Variants in DDX42 observed in about 807,000 individuals in gnomAD.
DDX42 encodes the protein DEAD-box helicase 42, also known as ATP-dependent RNA helicase DDX42.
A neutral mutation model predicts 101.5 loss-of-function variants in DDX42; 22 were observed. The ratio of observed to expected loss-of-function variants is 0.22; its 90% CI spans 0.15 to 0.31. DDX42 has a LOEUF of 0.31. Among genes scored for constraint, DDX42 ranks in the 10% least tolerant of loss-of-function variants. DDX42 has a pLI of 1.00. For synonymous variants in DDX42, 402 were observed against 401.2 expected (o/e 1.00, Z -0.02); for missense variants, 849 against 1,199.9 (o/e 0.71, Z 4.32).
chr17:63,804,928 T>C, intron 6 of DDX42, 143 bp from the exon 7 acceptor site: 2 of 995,470 alleles, frequency 2.0e-6, no homozygotes, highest in Non-Finnish European at 2.9e-6. Context: ...GGATCTAAGC[T>C]GAGAATAAAT....
rs2039980072 is a variant in DDX42 at position 63,816,623 on chromosome 17, G to A, written c.2014-245G>A. 7 of 345,078 alleles carry A rather than the reference G, an allele frequency of 2.0e-5. No individual in the cohort carries two copies. In the South Asian group the frequency reaches 2.4e-4, roughly 12 times the overall value. The allele number at this position is 345,078 out of a possible 1,614,324, so 21.4% of individuals were successfully genotyped here. The stretch of plus-strand genomic sequence containing the variant: ...TTATGTAAATACATGATCAACTTTG[G>A]GCATAATCTGATTGCATTTCTGTTT... On this transcript the variant is annotated intron_variant, in intron 16 of 17. Coordinates refer to ENST00000389924, the MANE Select transcript of DDX42 (RefSeq NM_203499.3).
In DDX42 at chr17:63,806,548, C is replaced by T. The variant is rs933429088; in HGVS notation, c.740C>T (p.Ala247Val). ...HKLNLRVSGA[A>V]PPRPGSSFAH... ...CTCTATCTCTAGGTCTCTGGTGCTG[C>T]ACCTCCTAGACCAGGAAGTAGCTTT... The change falls in exon 8 of 18, where the codon GCA (alanine) becomes GTA (valine). Residue 247 changes from alanine to valine, a missense_variant. Physicochemically the swap from Ala to Val is moderately conservative, Grantham distance 64. Transcript: ENST00000389924. 1.2e-6 allele frequency: 2 copies of T among 1,612,280 alleles called. No individual in the cohort carries two copies. The highest frequency in any genetic ancestry group is 1.3e-5 in the African/African-American group (1 of 74,820).
intron 14 of DDX42, 102 bp from the exon 15 acceptor site, chr17:63,813,126 C>G (rs1399824039): frequency 1.8e-6 from 2 of 1,108,538 alleles, no homozygotes; most frequent in South Asian, 1.6e-5. Context: ...TGCGCTTTGC[C>G]TAGATAAAGG....
Position 63,818,675 on chromosome 17 carries a change from GTCT to G in DDX42, c.*281_*283del. 1 of 376,282 alleles carries G rather than the reference GTCT, an allele frequency of 2.7e-6. No individual in the cohort carries two copies. Among genetic ancestry groups the G allele is most frequent in the Non-Finnish European group, 4.9e-6 (1 of 205,304 alleles). 23.3% of individuals were successfully genotyped at this position (376,282 alleles called of 1,614,324 possible). On this transcript the variant is annotated 3_prime_UTR_variant, in exon 18 of 18. Coordinates refer to ENST00000389924, the MANE Select transcript of DDX42 (RefSeq NM_203499.3). ...AGTTGAGGTTATCTTGGGATAAAGG[GTCT>G]TCTAGGGCACAAAACTCACTCTAGG... is the stretch of plus-strand genomic sequence containing the variant.
intron 17 of DDX42, chr17:63,817,455 C>T: frequency 2.1e-6 from 1 of 471,228 alleles, no homozygotes; most frequent in East Asian, 3.4e-5. Flanking sequence ...TTTATTCTAG[C>T]CAATCAGGCT....
At chr17:63,779,370 C>T (rs2039459114) in intron 1 of DDX42, among the ~76,000 whole-genome samples, 1 of 152,060 alleles carries the variant, frequency 6.6e-6, no homozygotes, top group Admixed American at 6.6e-5. Context: ...TTCAGGCCAT[C>T]CTCCCACCTC....
chr17:63,793,502 A>G (rs1357099599), intron 3 of DDX42, among the ~76,000 whole-genome samples: 1 of 152,156 alleles, frequency 6.6e-6, no homozygotes, highest in Non-Finnish European at 1.5e-5. Context: ...TTCTAGCCTC[A>G]AGTGATCCTC....
chr17:63,775,244 A>G (rs2039405222), intron 1 of DDX42: 1 of 152,658 alleles, frequency 6.6e-6, no homozygotes, highest in African/African-American at 2.4e-5. Flanking sequence ...AAGAAAATAT[A>G]TCTTCCTGTA....
intron 2 of DDX42, among the ~76,000 whole-genome samples, chr17:63,791,237 T>C (rs939909242): frequency 1.3e-5 from 2 of 152,240 alleles, no homozygotes; most frequent in Non-Finnish European, 2.9e-5. Flanking sequence ...TGATACCTTA[T>C]CCAGCCTTTG....
rs2039884289 is a variant in DDX42, at chr17:63,809,579, T to C, written c.1172T>C (p.Val391Ala). 1.2e-6 allele frequency: 2 copies of C among 1,613,944 alleles called. No homozygotes were observed. Among genetic ancestry groups the C allele is most frequent in the Admixed American group, 1.7e-5 (1 of 60,000 alleles). The part of the protein sequence containing the change: ...VCTPGRLIDH[V>A]KKKATNLQRV... ...TTATAGGGTCGACTGATAGATCATG[T>C]GAAAAAGAAAGCTACCAATCTTCAA... Residue 391 changes from valine to alanine, a missense_variant, in exon 11 of 18, where the codon GTG becomes GCG. Physicochemically the swap from Val to Ala is moderately conservative, Grantham distance 64. Around this residue, in one of 5 missense-constraint regions of DDX42, gnomAD observed 370 missense variants for 608.8 expected, o/e 0.61. Transcript: ENST00000389924.
chr17:63,811,777 T>C, intron 13 of DDX42, 155 bp from the exon 14 acceptor site: 1 of 874,418 alleles, frequency 1.1e-6, no homozygotes, highest in South Asian at 1.6e-5. Context: ...AAAGGAGAGG[T>C]GAGTTTTGAG....
intron 6 of DDX42, among the ~76,000 whole-genome samples, chr17:63,802,276 T>C (rs1054665872): frequency 5.3e-5 from 8 of 152,356 alleles, no homozygotes; most frequent in South Asian, 2.1e-4. Flanking sequence ...CTTTTTATTC[T>C]GTGTGATAAA....
intron 3 of DDX42, among the ~76,000 whole-genome samples, chr17:63,797,706 T>C (rs2597637): frequency 6.6e-6 from 1 of 152,104 alleles, no homozygotes; most frequent in Non-Finnish European, 1.5e-5. Context: ...GAGGAAGGCC[T>C]ATCTGCCTGA....
At chr17:63,800,755 G>A in intron 6 of DDX42, 138 bp downstream of exon 6, 2 of 1,040,464 alleles carry the variant, frequency 1.9e-6, no homozygotes, top group East Asian at 2.7e-5. Context: ...AAGTGGTTGA[G>A]CCACAAATTC....
intron 14 of DDX42, among the ~76,000 whole-genome samples, chr17:63,812,655 T>A (rs2039926047): frequency 6.6e-6 from 1 of 152,162 alleles, no homozygotes; most frequent in African/African-American, 2.4e-5. Context: ...GGAGAGAACT[T>A]CTCAGCTTCA....
At position 63,818,287 on chromosome 17, in the gene DDX42, C is replaced by T. The variant is rs2040004579; in HGVS notation, c.2706C>T (p.Pro902=). The change falls in exon 18 of 18, where the codon CCC becomes CCT. Residue 902 remains proline, a synonymous_variant. Transcript: ENST00000389924. ...GCAAGATGGAGCCCAAGATGGAACCCAAAGTGGACAGCAGCAAGATGGACA... is the reference window on the plus strand; with the variant it reads ...GCAAGATGGAGCCCAAGATGGAACCTAAAGTGGACAGCAGCAAGATGGACA... ...RESKMEPKME[P]KVDSSKMDKV... The T allele has an allele frequency of 1.2e-6, 2 of 1,614,064 alleles. No individual in the cohort carries two copies. Among genetic ancestry groups the T allele is most frequent in the Non-Finnish European group, 8.5e-7 (1 of 1,180,038 alleles).
At chr17:63,803,828 T>C (rs1293452857) in intron 6 of DDX42, among the ~76,000 whole-genome samples, 1 of 151,564 alleles carries the variant, frequency 6.6e-6, no homozygotes, top group Non-Finnish European at 1.5e-5. Flanking sequence ...TTTTGTATTT[T>C]TGGTAGAGAC....
At chr17:63,776,546 C>T (rs1007278760) in intron 1 of DDX42, among the ~76,000 whole-genome samples, 2 of 151,986 alleles carry the variant, frequency 1.3e-5, no homozygotes, top group African/African-American at 2.4e-5. Context: ...ATGAAAAACA[C>T]GATGGTAGCT....
chr17:63,783,179 A>G (rs913160372), intron 1 of DDX42, among the ~76,000 whole-genome samples: 5 of 152,232 alleles, frequency 3.3e-5, no homozygotes, highest in African/African-American at 9.6e-5. Flanking sequence ...TGTTGTTTTC[A>G]GCTGCCTCAG....
Sources: allele counts gnomAD v4.1 joint callset (sites outside exome capture counted in the v4.1 genomes callset), GRCh38; gene constraint gnomAD v4.1.1; regional missense constraint gnomAD v4.1.1; transcripts MANE v1.5; gene names NCBI Gene and HGNC (gene_info 2026-07-23, HGNC 2026-07-21).